RFTN2: variants seen among roughly 807,000 people sequenced by gnomAD.
RFTN2 encodes raftlin-2.
Under a neutral mutation model 52.7 loss-of-function variants are expected in RFTN2, and 34 were observed. The observed-to-expected ratio is 0.64, with a 90% confidence interval of 0.49 to 0.86. The LOEUF is 0.86. Among genes scored for constraint, RFTN2 ranks in the 40% least tolerant of loss-of-function variants. RFTN2 has a pLI of 0.00. For synonymous variants in RFTN2, 203 were observed against 217.7 expected (o/e 0.93, Z 0.59); for missense variants, 536 against 600.1 (o/e 0.89, Z 1.12).
chr2:197,659,775 C>A (rs1446353544), intron 1 of RFTN2, among the ~76,000 whole-genome samples: 2 of 148,610 alleles, frequency 1.3e-5, no homozygotes, highest in Non-Finnish European at 3.0e-5. Context: ...TGAGATCATG[C>A]CATTGCACTC....
chr2:197,651,550 C>T (rs1230185552), intron 1 of RFTN2, among the ~76,000 whole-genome samples: 3 of 151,992 alleles, frequency 2.0e-5, no homozygotes, highest in East Asian at 3.9e-4. Context: ...ACCCGGAAGG[C>T]GGAGGTTGAA....
Position 197,583,791 on chromosome 2 carries a change from C to T in RFTN2, c.1234-11511G>A, listed in dbSNP as rs1009184073. On this transcript the variant is annotated intron_variant, in intron 8 of 8. Transcript: ENST00000295049. ...TATCCCTCCCCACTCCCCCACCCCA[C>T]GACAGGCCCCGGTGTGTGATGTTCC... 2.6e-5 allele frequency among the ~76,000 whole-genome samples: 4 copies of T among 152,104 alleles called. No individual in the cohort carries two copies. In the East Asian group the frequency reaches 5.8e-4, roughly 22 times the overall value.
chr2:197,602,722 G>T (rs2087898564), intron 7 of RFTN2, among the ~76,000 whole-genome samples: 1 of 151,858 alleles, frequency 6.6e-6, no homozygotes, highest in Non-Finnish European at 1.5e-5. Context: ...CCCATTACTG[G>T]GTATATACCC....
At chr2:197,634,049 A>G in intron 3 of RFTN2, 52 bp from the exon 4 acceptor site, 1 of 1,461,560 alleles carries the variant, frequency 6.8e-7, no homozygotes, top group Non-Finnish European at 9.3e-7. Context: ...ATTTTCATTG[A>G]TTACTTTATC....
intron 5 of RFTN2, among the ~76,000 whole-genome samples, chr2:197,628,071 C>T (rs2088395144): frequency 1.3e-5 from 2 of 152,058 alleles, no homozygotes; most frequent in Admixed American, 1.3e-4. Flanking sequence ...CCACCCTCCC[C>T]ATGTGCTTTA....
chr2:197,652,265 T>C (rs969470838), intron 1 of RFTN2, among the ~76,000 whole-genome samples: 1 of 152,170 alleles, frequency 6.6e-6, no homozygotes, highest in Non-Finnish European at 1.5e-5. Context: ...TTGAAAACTT[T>C]CCATTGGTAG....
intron 8 of RFTN2, among the ~76,000 whole-genome samples, chr2:197,577,794 A>G (rs2106163473): frequency 6.6e-6 from 1 of 152,198 alleles, no homozygotes; most frequent in South Asian, 2.1e-4. Context: ...ACTATTTACA[A>G]TTGCTTGACT....
intron 8 of RFTN2, among the ~76,000 whole-genome samples, chr2:197,584,545 T>C (rs2087565909): frequency 6.6e-6 from 1 of 152,220 alleles, no homozygotes. Context: ...AAAAATTTTC[T>C]CCCACTCTGT....
At chr2:197,589,932 G>A (rs1018353194) in intron 8 of RFTN2, among the ~76,000 whole-genome samples, 12 of 151,794 alleles carry the variant, frequency 7.9e-5, no homozygotes, top group Admixed American at 2.0e-4. Flanking sequence ...TTTGAGACAA[G>A]GTCTCACTCT....
chr2:197,669,111 G>C (rs527825441), intron 1 of RFTN2, among the ~76,000 whole-genome samples: 6 of 152,168 alleles, frequency 3.9e-5, no homozygotes, highest in Non-Finnish European at 7.4e-5. Flanking sequence ...CACTGTTTTG[G>C]TTCTTCCTAA....
intron 1 of RFTN2, among the ~76,000 whole-genome samples, chr2:197,650,478 G>A (rs766782410): frequency 1.3e-5 from 2 of 152,166 alleles, no homozygotes; most frequent in African/African-American, 2.4e-5. Context: ...TTTGAAAATT[G>A]TAAAATTCAA....
intron 7 of RFTN2, among the ~76,000 whole-genome samples, chr2:197,596,912 C>G (rs2087800741): frequency 6.6e-6 from 1 of 152,178 alleles, no homozygotes; most frequent in African/African-American, 2.4e-5. Context: ...CCAAAGACTG[C>G]TTGGGGTTTG....
intron 5 of RFTN2, among the ~76,000 whole-genome samples, chr2:197,621,760 C>G (rs1472603178): frequency 1.3e-5 from 2 of 152,040 alleles, no homozygotes; most frequent in African/African-American, 4.8e-5. Context: ...ATTAATAACC[C>G]CGAAATAGCC....
rs2088505325 is a variant in RFTN2, at chr2:197,633,766, T to C, written c.670A>G (p.Met224Val). 1 of 1,613,792 alleles carries C rather than the reference T, an allele frequency of 6.2e-7. No homozygotes were observed. The highest frequency in any genetic ancestry group is 1.7e-5 in the Admixed American group (1 of 59,980). Residue 224 changes from methionine to valine, a missense_variant, in exon 4 of 9, where the codon ATG becomes GTG. Met to Val is a conservative substitution (Grantham distance 21). Transcript: ENST00000295049. ...GAAGTAGGGCTGCCATTTTGTTCCA[T>C]TTGATACTGTCCACTTTCATGATGA... ...ELHHESGQYQ[M>V]EQNGSPTSSK...
intron 5 of RFTN2, among the ~76,000 whole-genome samples, chr2:197,618,658 C>T (rs1157595840): frequency 6.6e-6 from 1 of 151,580 alleles, no homozygotes; most frequent in Non-Finnish European, 1.5e-5. Flanking sequence ...TCTTCCCGGC[C>T]GCCATCACAT....
At chr2:197,586,945 A>C (rs1033111875) in intron 8 of RFTN2, among the ~76,000 whole-genome samples, 2 of 152,198 alleles carry the variant, frequency 1.3e-5, no homozygotes, top group Non-Finnish European at 2.9e-5. Flanking sequence ...ATAGAGCACC[A>C]AAACTCTCCA....
At chr2:197,650,491 TAAG>T (rs1366639275) in intron 1 of RFTN2, among the ~76,000 whole-genome samples, 1 of 152,230 alleles carries the variant, frequency 6.6e-6, no homozygotes, top group Non-Finnish European at 1.5e-5. Context: ...AAATTCAATC[TAAG>T]AATAAGGGAT....
chr2:197,622,209 G>A (rs1384997796), intron 5 of RFTN2, among the ~76,000 whole-genome samples: 1 of 152,212 alleles, frequency 6.6e-6, no homozygotes, highest in African/African-American at 2.4e-5. Flanking sequence ...AGGTGAAGGA[G>A]CAAGTGCTAA....
intron 3 of RFTN2, among the ~76,000 whole-genome samples, chr2:197,641,621 A>T (rs1014812512): frequency 2.6e-5 from 4 of 152,214 alleles, no homozygotes; most frequent in African/African-American, 9.6e-5. Flanking sequence ...TGATATTTTT[A>T]AAATGTTATT....
Sources: gnomAD v4.1 joint callset for allele counts (sites outside exome capture counted in the v4.1 genomes callset) on GRCh38, gnomAD v4.1.1 for gene constraint, MANE v1.5 for transcripts, NCBI Gene and HGNC (gene_info 2026-07-23, HGNC 2026-07-21) for gene names.